CFL1: variants seen among roughly 807,000 people sequenced by gnomAD.
CFL1 encodes cofilin-1.
CFL1 carries 2 observed loss-of-function variants against 16.3 expected under a neutral mutation model. The observed-to-expected ratio is 0.12, with a 90% CI of 0.05 to 0.39. The LOEUF (loss-of-function observed/expected upper bound fraction) is 0.39. CFL1 is among the 10% of genes least tolerant of loss of function. The probability of loss-of-function intolerance (pLI) is 0.99; values close to 1 mark genes in which losing one functional copy is unlikely to be tolerated. For missense variants in CFL1, 75 were observed against 212.2 expected, an observed-to-expected ratio of 0.35 and a Z score of 4.02; for synonymous variants, 111 against 84.4, an observed-to-expected ratio of 1.31 and a Z score of -1.73.
rs1448700124 is a variant in CFL1, at chr11:65,855,262, G to C, written c.*74C>G. 3 of 1,287,200 alleles carry C rather than the reference G, an allele frequency of 2.3e-6. No homozygotes were observed. The highest frequency in any genetic ancestry group is 3.4e-6 in the Non-Finnish European group (3 of 889,296). The allele number at this position is 1,287,200 out of a possible 1,614,324, so 79.7% of individuals were successfully genotyped here. On this transcript the variant is annotated 3_prime_UTR_variant, in exon 4 of 4. Transcript: ENST00000308162. ...CCCCCCAGCCCCTCCGGTCTGGCAG[G>C]AAGGGGGCAGCCTGCAACCCCCAAG...
intron 2 of CFL1, 58 bp from the exon 3 acceptor site, chr11:65,855,788 G>T: frequency 6.6e-7 from 1 of 1,518,876 alleles, no homozygotes; most frequent in South Asian, 1.3e-5. Context: ...AGGTGACTTT[G>T]AGAAACCCTT....
rs993219646 is a variant in CFL1, at chr11:65,855,813, G to A, written c.312-83C>T. On this transcript the variant is annotated intron_variant, in intron 2 of 3. Transcript: ENST00000308162. ...GAGAAACCCTTGGGCTGGCAGTGAG[G>A]AGTCTTTTGTTACAACCCCCTCCCC... 10 of 1,504,014 alleles carry A rather than the reference G, an allele frequency of 6.6e-6. No homozygotes were observed. The African/African-American group carries it at 8.4e-5, about 13-fold the overall frequency. The allele number at this position is 1,504,014 out of a possible 1,614,324, so 93.2% of individuals were successfully genotyped here. A position where few individuals can be genotyped will look rare whatever the true frequency, so the allele number is the denominator to read the frequency against.
rs1340839061 is a variant in CFL1, at chr11:65,857,927, C to A, written c.3+170G>T. 7.3e-6 allele frequency: 4 copies of A among 545,876 alleles called. No individual in the cohort carries two copies. The African/African-American group carries it at 8.0e-5, about 11-fold the overall frequency. The allele number at this position is 545,876 out of a possible 1,614,324, so 33.8% of individuals were successfully genotyped here. ...CGACGTCCAGACCGGCCCTCCCCGG[C>A]GCCCACGGGCGCGCACGCGCATTCC... On this transcript the variant is annotated intron_variant, in intron 1 of 3. Coordinates refer to ENST00000308162, the MANE Select transcript of CFL1 (RefSeq NM_005507.3).
chr11:65,857,633 C>T (rs1455270563), intron 1 of CFL1: 2 of 224,178 alleles, frequency 8.9e-6, no homozygotes, highest in Non-Finnish European at 1.9e-5. Flanking sequence ...GAGACGGACC[C>T]GGCTGCCGAG....
chr11:65,855,103 C>G lies in CFL1; in HGVS notation c.*233G>C. On this transcript the variant is annotated 3_prime_UTR_variant, in exon 4 of 4. Transcript: ENST00000308162. Reference sequence around the variant, plus strand: ...GGGGGGAACTTGGTCTGCTTCAGCCCAAGAGGAATCAAAAGATCAAAAGCA... The same window carrying G: ...GGGGGGAACTTGGTCTGCTTCAGCCGAAGAGGAATCAAAAGATCAAAAGCA... 1 of 498,054 alleles carries G rather than the reference C, an allele frequency of 2.0e-6. No individual in the cohort carries two copies. Among genetic ancestry groups the G allele is most frequent in the East Asian group, 3.6e-5 (1 of 27,858 alleles). The allele number at this position is 498,054 out of a possible 1,614,324, so 30.9% of individuals were successfully genotyped here. A position where few individuals can be genotyped will look rare whatever the true frequency, so the allele number is the denominator to read the frequency against.
chr11:65,856,416 T>C (rs540769997), intron 1 of CFL1, 174 bp from the exon 2 acceptor site: 1 of 608,948 alleles, frequency 1.6e-6, no homozygotes, highest in Non-Finnish European at 2.9e-6. Context: ...AACCTCAGAA[T>C]GGCAGCCATG....
chr11:65,857,510 G>C, intron 1 of CFL1: 1 of 312,564 alleles, frequency 3.2e-6, no homozygotes, highest in Non-Finnish European at 7.0e-6. Flanking sequence ...TGCGGTGCAA[G>C]GCCTTAATCG....
In CFL1 at chr11:65,855,994, G is replaced by A. The variant is rs140556162; in HGVS notation, c.252C>T (p.Leu84=). Residue 84 remains leucine, a synonymous_variant, in exon 2 of 4, where the codon CTC becomes CTT. Transcript: ENST00000308162. Reference sequence around the variant, plus strand: ...CCTTGGTCTCATAGGTTGCATCATAGAGGGCATAGCGGCAGTCCTTATCTG... The same window carrying A: ...CCTTGGTCTCATAGGTTGCATCATAAAGGGCATAGCGGCAGTCCTTATCTG... ...MLPDKDCRYA[L]YDATYETKES... is the part of the protein sequence containing the mutation. The A allele has an allele frequency of 3.6e-4, 586 of 1,614,130 alleles. 2 individuals are homozygous for A. The African/African-American group carries it at 6.3e-3, about 17-fold the overall frequency.
At chr11:65,856,641 A>G (rs571167784) in intron 1 of CFL1, 1 of 236,800 alleles carries the variant, frequency 4.2e-6, no homozygotes, top group East Asian at 1.2e-4. Context: ...ACCTGAGCCA[A>G]GACTCCTCTT....
In CFL1 at chr11:65,854,969, C is replaced by G; in HGVS notation, c.*367G>C. Reference sequence around the variant, plus strand: ...ATACACAGAACTAAACAGACAAGCACAGAGTCACTATTGCGGTTAGAAGTT... The same window carrying G: ...ATACACAGAACTAAACAGACAAGCAGAGAGTCACTATTGCGGTTAGAAGTT... On this transcript the variant is annotated 3_prime_UTR_variant, in exon 4 of 4. Transcript: ENST00000308162. 2 of 282,226 alleles carry G rather than the reference C, an allele frequency of 7.1e-6. No individual in the cohort carries two copies. Among genetic ancestry groups the G allele is most frequent in the Non-Finnish European group, 1.4e-5 (2 of 141,764 alleles). 17.5% of individuals were successfully genotyped at this position (282,226 alleles called of 1,614,324 possible).
At chr11:65,858,007 G>A (rs576006133) in intron 1 of CFL1, 90 bp downstream of exon 1, 6 of 1,349,936 alleles carry the variant, frequency 4.4e-6, no homozygotes, top group South Asian at 2.7e-5. Context: ...CGCTGGGGGA[G>A]GGGGTGCGGA....
At chr11:65,857,487 C>T in intron 1 of CFL1, 1 of 386,638 alleles carries the variant, frequency 2.6e-6, no homozygotes, top group South Asian at 1.7e-5. Context: ...TCTGCGATGC[C>T]CCCTCCAAGC....
chr11:65,855,150 C>G lies in CFL1; in HGVS notation c.*186G>C, dbSNP rs1410965727. Reference sequence around the variant, plus strand: ...AGCAGTTTGGGAAGGCCAGAACCGTCAAGGGATGGAGGGAGAAGGAAAATC... The same window carrying G: ...AGCAGTTTGGGAAGGCCAGAACCGTGAAGGGATGGAGGGAGAAGGAAAATC... On this transcript the variant is annotated 3_prime_UTR_variant, in exon 4 of 4. Transcript: ENST00000308162. 1 of 578,110 alleles carries G rather than the reference C, an allele frequency of 1.7e-6. No individual in the cohort carries two copies. Among genetic ancestry groups the G allele is most frequent in the African/African-American group, 1.9e-5 (1 of 53,034 alleles). The allele number at this position is 578,110 out of a possible 1,614,324, so 35.8% of individuals were successfully genotyped here.
intron 1 of CFL1, chr11:65,857,519 C>A (rs999061688): frequency 3.0e-4 from 90 of 300,422 alleles, no homozygotes; most frequent in South Asian, 1.9e-3. Flanking sequence ...AGGCCTTAAT[C>A]GCAGGCACCC....
intron 2 of CFL1, 55 bp from the exon 3 acceptor site, chr11:65,855,785 T>C (rs1859375195): frequency 6.6e-7 from 1 of 1,520,442 alleles, no homozygotes; most frequent in Middle Eastern, 1.8e-4. Flanking sequence ...CACAGGTGAC[T>C]TTGAGAAACC....
chr11:65,857,951 C>A (rs1859419276), intron 1 of CFL1, 146 bp downstream of exon 1: 1 of 822,692 alleles, frequency 1.2e-6, no homozygotes, highest in East Asian at 3.5e-5. Context: ...CACGCGCATT[C>A]CGGCACCGCC....
chr11:65,855,978 C>G lies in CFL1; in HGVS notation c.268G>C (p.Glu90Gln). The G allele has an allele frequency of 6.2e-7, 1 of 1,614,136 alleles. No individual in the cohort carries two copies. The highest frequency in any genetic ancestry group is 8.5e-7 in the Non-Finnish European group (1 of 1,180,012). Residue 90 changes from glutamate to glutamine, a missense_variant, in exon 2 of 4, where the codon GAG (glutamate) becomes CAG (glutamine). By Grantham distance (29) the Glu-to-Gln change is conservative (BLOSUM62 2). Transcript: ENST00000308162. ...CRYALYDATY[E>Q]TKESKKEDLV... ...TCCTCCTTCTTGCTCTCCTTGGTCT[C>G]ATAGGTTGCATCATAGAGGGCATAG...
chr11:65,856,562 TCA>T (rs1859389106), intron 1 of CFL1: 1 of 323,252 alleles, frequency 3.1e-6, no homozygotes, highest in Non-Finnish European at 5.9e-6. Context: ...CATTTGCTAC[TCA>T]CAGTACTTGC....
chr11:65,858,047 G>A (rs1402753223), intron 1 of CFL1, 50 bp downstream of exon 1: 32 of 1,519,844 alleles, frequency 2.1e-5, no homozygotes, highest in Non-Finnish European at 2.6e-5. Context: ...CCCGCGCGCA[G>A]GCGACCGACC....
Sources: gnomAD v4.1 joint callset for allele counts on GRCh38, gnomAD v4.1.1 for gene constraint, MANE v1.5 for transcripts, NCBI Gene and HGNC (gene_info 2026-07-23, HGNC 2026-07-21) for gene names.